LPA: variants seen among roughly 807,000 people sequenced by gnomAD.
LPA encodes the protein apolipoprotein(a).
LPA carries 199 observed loss-of-function variants against 197.9 expected under a neutral mutation model. That is an observed-to-expected ratio of 1.01 (90% CI 0.90 to 1.13). LPA has a LOEUF of 1.13. Among genes scored for constraint, LPA ranks in the 50% most tolerant of loss-of-function variants. The probability of loss-of-function intolerance (pLI) is 0.00; values close to 1 mark genes in which losing one functional copy is unlikely to be tolerated. For synonymous variants in LPA, 715 were observed against 639.5 expected (o/e 1.12, Z -1.78); for missense variants, 1,853 against 1,785.8 (o/e 1.04, Z -0.68).
intron 17 of LPA, among the ~76,000 whole-genome samples, chr6:160,606,099 A>G (rs118092535): frequency 6.6e-6 from 1 of 152,214 alleles, no homozygotes; most frequent in Non-Finnish European, 1.5e-5. Context: ...AATGCTGAAG[A>G]TTGCACTGAA....
chr6:160,539,887 T>TGG (rs1777953196), intron 36 of LPA, among the ~76,000 whole-genome samples, 156 bp downstream of exon 36: 1 of 152,146 alleles, frequency 6.6e-6, no homozygotes, highest in African/African-American at 2.4e-5. Flanking sequence ...GTGGCAGGGC[T>TGG]GGGGTTGAAG....
chr6:160,649,968 A>G (rs1309183305), intron 2 of LPA, among the ~76,000 whole-genome samples: 1 of 152,234 alleles, frequency 6.6e-6, no homozygotes, highest in Non-Finnish European at 1.5e-5. Flanking sequence ...GAGCCAAGAC[A>G]GAAAAGGCCA....
intron 20 of LPA, among the ~76,000 whole-genome samples, chr6:160,599,203 T>A (rs1779189774): frequency 6.6e-6 from 1 of 151,590 alleles, no homozygotes; most frequent in African/African-American, 2.4e-5. Flanking sequence ...ATTAGCCGGG[T>A]GTGGTGGTGG....
chr6:160,590,127 C>T (rs1583601605), intron 23 of LPA, among the ~76,000 whole-genome samples: 2 of 152,140 alleles, frequency 1.3e-5, no homozygotes. Flanking sequence ...GAGCACTGAT[C>T]CTCCAAAGCC....
At position 160,664,164 on chromosome 6, in the gene LPA, A is replaced by G. The variant is rs1374200247; in HGVS notation, c.49+2T>C. On this transcript the variant is annotated splice_donor_variant, in intron 1 of 38. Coordinates refer to ENST00000316300, the MANE Select transcript of LPA (RefSeq NM_005577.4). LOFTEE classifies it high-confidence loss of function. ...TTATAATTTAAAAAAACTATGTCTTACCTGATTTCAGAAATAAAAGAAGTA... is the reference window on the plus strand; with the variant it reads ...TTATAATTTAAAAAAACTATGTCTTGCCTGATTTCAGAAATAAAAGAAGTA... The G allele has an allele frequency of 1.9e-6, 3 of 1,602,046 alleles. No homozygotes were observed. The highest frequency in any genetic ancestry group is 1.1e-5 in the South Asian group (1 of 89,760).
intron 14 of LPA, among the ~76,000 whole-genome samples, chr6:160,615,376 G>A (rs1177105915): frequency 7.2e-6 from 1 of 137,976 alleles, no homozygotes; most frequent in African/African-American, 2.9e-5. Flanking sequence ...GTGTGTGTGT[G>A]TGTGTGTGTA....
chr6:160,567,055 A>G (rs1778469739), intron 28 of LPA, among the ~76,000 whole-genome samples: 2 of 152,216 alleles, frequency 1.3e-5, no homozygotes, highest in African/African-American at 4.8e-5. Flanking sequence ...GGAGACTTTA[A>G]CACCCCACTG....
chr6:160,576,784 T>A (rs1778692602), intron 28 of LPA, among the ~76,000 whole-genome samples: 1 of 149,408 alleles, frequency 6.7e-6, no homozygotes. Flanking sequence ...CCTTCGGGAA[T>A]TGAAATTTAG....
At chr6:160,597,166 A>G (rs1199060591) in intron 20 of LPA, among the ~76,000 whole-genome samples, 1 of 152,182 alleles carries the variant, frequency 6.6e-6, no homozygotes, top group Non-Finnish European at 1.5e-5. Flanking sequence ...ATAATGTTAA[A>G]TAGGTCGACG....
At chr6:160,541,867 AAG>A (rs1777986505) in intron 34 of LPA, among the ~76,000 whole-genome samples, 1 of 152,366 alleles carries the variant, frequency 6.6e-6, no homozygotes, top group South Asian at 2.1e-4. Context: ...TCTGTAGAGC[AAG>A]AAGTTACAAA....
intron 36 of LPA, among the ~76,000 whole-genome samples, chr6:160,539,753 C>T (rs1280240762): frequency 1.3e-5 from 2 of 152,198 alleles, no homozygotes; most frequent in Non-Finnish European, 2.9e-5. Flanking sequence ...GAATAACAAC[C>T]TTTCCCTGAT....
chr6:160,598,207 G>C (rs1319349972), intron 20 of LPA, among the ~76,000 whole-genome samples: 2 of 152,064 alleles, frequency 1.3e-5, no homozygotes, highest in Non-Finnish European at 2.9e-5. Context: ...TCAATATATG[G>C]TGTTTTTTTG....
chr6:160,605,027 G>T lies in LPA; in HGVS notation c.2945+19C>A, dbSNP rs1205431169. 6.2e-7 allele frequency: 1 copy of T among 1,613,002 alleles called. No homozygotes were observed. The highest frequency in any genetic ancestry group is 8.5e-7 in the Non-Finnish European group (1 of 1,179,640). The stretch of plus-strand genomic sequence containing the variant: ...TCCACTGACCCTTCCTTCACTTATG[G>T]TAAAGAAAATAGACATACGCATTTG... On this transcript the variant is annotated intron_variant, in intron 18 of 38. Transcript: ENST00000316300.
intron 22 of LPA, 74 bp downstream of exon 22, chr6:160,593,883 AG>A: frequency 1.3e-6 from 2 of 1,548,696 alleles, no homozygotes; most frequent in East Asian, 4.5e-5. Context: ...ATAAGAAGTT[AG>A]TTGGAAGCAT....
At chr6:160,539,445 GT>G (rs527511967) in intron 36 of LPA, among the ~76,000 whole-genome samples, 3,670 of 142,432 alleles carry the variant, frequency 0.026, 108 homozygotes, top group African/African-American at 0.075. Flanking sequence ...TGTTGTGTGG[GT>G]TTTTTTTTTT....
chr6:160,576,394 A>ATATACATATATATATATATATGTG (rs1778672725), intron 28 of LPA, among the ~76,000 whole-genome samples: 40 of 53,746 alleles, frequency 7.4e-4, no homozygotes, highest in African/African-American at 1.5e-3. Context: ...ATATATGTAT[A>ATATACATATATATATATATATGTG]TATATATATA....
At chr6:160,551,697 C>A (rs1284597260) in intron 30 of LPA, among the ~76,000 whole-genome samples, 2 of 152,100 alleles carry the variant, frequency 1.3e-5, no homozygotes, top group East Asian at 3.9e-4. Context: ...GAAGAGATAT[C>A]AAAATAATTT....
intron 2 of LPA, among the ~76,000 whole-genome samples, chr6:160,648,373 A>T (rs1779942010): frequency 6.6e-6 from 1 of 152,078 alleles, no homozygotes; most frequent in Non-Finnish European, 1.5e-5. Flanking sequence ...GAGCTTCTTG[A>T]GTCCGTGATT....
intron 25 of LPA, among the ~76,000 whole-genome samples, chr6:160,586,025 G>A (rs1178940379): frequency 6.6e-6 from 1 of 152,128 alleles, no homozygotes; most frequent in Non-Finnish European, 1.5e-5. Flanking sequence ...GGTTTCTCAA[G>A]AACAACAGCC....
Sources: gnomAD v4.1 joint callset for allele counts (sites outside exome capture counted in the v4.1 genomes callset) on GRCh38, gnomAD v4.1.1 for gene constraint, MANE v1.5 for transcripts, NCBI Gene and HGNC (gene_info 2026-07-23, HGNC 2026-07-21) for gene names.